The following TCF4 variants were observed in gnomAD, a reference collection of about 807,000 sequenced individuals.
The protein encoded by TCF4 is SL3-3 enhancer factor 2.
Under a neutral mutation model 82.1 loss-of-function variants are expected in TCF4, and 3 were observed. That is an observed-to-expected ratio of 0.04 (90% CI 0.02 to 0.09). TCF4 has a LOEUF of 0.09. Among genes scored for constraint, TCF4 ranks in the 10% least tolerant of loss-of-function variants. The pLI is 1.00. For synonymous variants in TCF4, 276 were observed against 309.6 expected (o/e 0.89, Z 1.14); for missense variants, 518 against 852.7 (o/e 0.61, Z 4.89).
At chr18:55,544,455 C>T (rs151041056) in intron 3 of TCF4, among the ~76,000 whole-genome samples, 196 of 152,234 alleles carry the variant, frequency 1.3e-3, no homozygotes, top group African/African-American at 4.6e-3. Context: ...AAGGATTTTG[C>T]TAAGTTCTCT....
intron 15 of TCF4, among the ~76,000 whole-genome samples, chr18:55,243,564 A>G (rs1017141467): frequency 6.6e-6 from 1 of 151,774 alleles, no homozygotes; most frequent in African/African-American, 2.4e-5. Flanking sequence ...AAATCAGGGG[A>G]AAAATACCTA....
chr18:55,606,867 C>T (rs1329403112), intron 2 of TCF4, among the ~76,000 whole-genome samples: 2 of 152,142 alleles, frequency 1.3e-5, no homozygotes, highest in Admixed American at 6.5e-5. Context: ...TTTGCATATA[C>T]TCCCATGGCT....
intron 8 of TCF4, among the ~76,000 whole-genome samples, chr18:55,283,038 T>G (rs1417987847): frequency 2.0e-5 from 3 of 152,158 alleles, no homozygotes; most frequent in Non-Finnish European, 2.9e-5. Flanking sequence ...ATATTTAACA[T>G]GCAAAGTTAG....
intron 3 of TCF4, among the ~76,000 whole-genome samples, chr18:55,502,061 C>A (rs998366562): frequency 2.0e-5 from 3 of 152,160 alleles, no homozygotes; most frequent in African/African-American, 2.4e-5. Flanking sequence ...AATTTGCAAT[C>A]CCCTAAGTGA....
At position 55,538,026 on chromosome 18, in the gene TCF4, G is replaced by GCGCACACA. The variant is rs1277287061; in HGVS notation, c.145+47253_145+47254insTGTGTGCG. ...CTGGATTTTGCTAGTCTGCGCGCGCGCACACACACACACACACACACACAC... is the reference window on the plus strand; with the variant it reads ...CTGGATTTTGCTAGTCTGCGCGCGCGCGCACACACACACACACACACACACACACACAC... On this transcript the variant is annotated intron_variant, in intron 3 of 19. Coordinates refer to ENST00000354452, the MANE Select transcript of TCF4 (RefSeq NM_001083962.2). 4.4e-3 allele frequency among the ~76,000 whole-genome samples: 581 copies of GCGCACACA among 131,572 alleles called. 3 individuals are homozygous for GCGCACACA. Among genetic ancestry groups the GCGCACACA allele is most frequent in the East Asian group, 0.028 (123 of 4,396 alleles). The allele number at this position is 131,572 out of a possible 152,430, so 86.3% of individuals were successfully genotyped here.
rs2096700410 is a variant in TCF4 at position 55,501,435 on chromosome 18, T to C, written c.146-37298A>G. Among the ~76,000 whole-genome samples, 3 of 152,344 alleles carry C rather than the reference T, an allele frequency of 2.0e-5. No individual in the cohort carries two copies. In the South Asian group the frequency reaches 6.2e-4, roughly 32 times the overall value. On this transcript the variant is annotated intron_variant, in intron 3 of 19. Transcript: ENST00000354452. ...ATCAATAGTGTTCTCAATGGCTTTT[T>C]GACATCTCAAATTTTTCATAAATGA...
At chr18:55,589,967 T>A (rs986496989), upstream of TCF4, 1 of 381,274 alleles carries the variant, frequency 2.6e-6, no homozygotes, top group Non-Finnish European at 3.6e-6. Flanking sequence ...GGCGGGTGGC[T>A]GTTCTCGGGT....
chr18:55,465,451 C>T (rs1178968260), intron 3 of TCF4, among the ~76,000 whole-genome samples: 1 of 151,760 alleles, frequency 6.6e-6, no homozygotes, highest in Non-Finnish European at 1.5e-5. Context: ...TATTTCACTT[C>T]CTTTTAGTTG....
At chr18:55,470,962 G>C (rs1049396096) in intron 3 of TCF4, among the ~76,000 whole-genome samples, 1 of 152,104 alleles carries the variant, frequency 6.6e-6, no homozygotes, top group Non-Finnish European at 1.5e-5. Context: ...CCATTATGGA[G>C]ACTCACAGAC....
intron 5 of TCF4, among the ~76,000 whole-genome samples, chr18:55,408,511 A>C (rs1390682263): frequency 3.3e-5 from 5 of 152,178 alleles, no homozygotes; most frequent in Admixed American, 3.3e-4. Flanking sequence ...CACATACATG[A>C]GGTTATTATT....
chr18:55,517,638 C>T (rs1229837567), intron 3 of TCF4, among the ~76,000 whole-genome samples: 2 of 152,070 alleles, frequency 1.3e-5, no homozygotes, highest in East Asian at 1.9e-4. Context: ...TGAATAATTC[C>T]CTAGAGGTTA....
At chr18:55,503,581 T>C (rs1011806290) in intron 3 of TCF4, among the ~76,000 whole-genome samples, 1 of 152,212 alleles carries the variant, frequency 6.6e-6, no homozygotes, top group Non-Finnish European at 1.5e-5. Flanking sequence ...CACGAATAAG[T>C]ACCTAACTCT....
chr18:55,586,144 G>GCAGCAGCAGCAGCAGCAGCAGC (rs2097644045), intron 2 of TCF4: 1 of 1,322,390 alleles, frequency 7.6e-7, no homozygotes, highest in Non-Finnish European at 1.0e-6. Flanking sequence ...GAAGGAGGAG[G>GCAGCAGCAGCAGCAGCAGCAGC]AGGAGGAGGA....
intron 6 of TCF4, among the ~76,000 whole-genome samples, chr18:55,361,486 C>T (rs2085183363): frequency 6.6e-6 from 1 of 152,230 alleles, no homozygotes; most frequent in Non-Finnish European, 1.5e-5. Context: ...CTCATACAAA[C>T]GTTTCTCTGC....
At chr18:55,545,310 T>G (rs2097196808) in intron 3 of TCF4, among the ~76,000 whole-genome samples, 1 of 152,194 alleles carries the variant, frequency 6.6e-6, no homozygotes, top group African/African-American at 2.4e-5. Flanking sequence ...AACATTTTTT[T>G]GATCATTTAC....
intron 2 of TCF4, among the ~76,000 whole-genome samples, chr18:55,598,138 T>C (rs2097693111): frequency 6.6e-6 from 1 of 152,192 alleles, no homozygotes; most frequent in African/African-American, 2.4e-5. Flanking sequence ...CAAGGAGTCA[T>C]TGCTATCAGC....
At chr18:55,380,477 C>T (rs936070126) in intron 6 of TCF4, among the ~76,000 whole-genome samples, 1 of 152,002 alleles carries the variant, frequency 6.6e-6, no homozygotes, top group African/African-American at 2.4e-5. Context: ...GACATTAATT[C>T]CTTCATCGGA....
chr18:55,631,832 T>C (rs1292890729), intron 1 of TCF4, among the ~76,000 whole-genome samples: 1 of 152,190 alleles, frequency 6.6e-6, no homozygotes, highest in Non-Finnish European at 1.5e-5. Context: ...TCAGAAACGC[T>C]AGTACCAACA....
At chr18:55,454,572 T>C (rs926500569) in intron 5 of TCF4, among the ~76,000 whole-genome samples, 1 of 152,210 alleles carries the variant, frequency 6.6e-6, no homozygotes, top group Non-Finnish European at 1.5e-5. Context: ...TCCTTAGCTA[T>C]AGATCTGGAA....
Sources: allele counts gnomAD v4.1 joint callset (sites outside exome capture counted in the v4.1 genomes callset), GRCh38; gene constraint gnomAD v4.1.1; transcripts MANE v1.5; gene names NCBI Gene and HGNC (gene_info 2026-07-23, HGNC 2026-07-21).